The following OSBPL8 variants were observed in gnomAD, a reference collection of about 807,000 sequenced individuals.
The protein encoded by OSBPL8 is oxysterol binding protein like 8, also known as oxysterol-binding protein-related protein 8.
OSBPL8 carries 59 observed loss-of-function variants against 125.5 expected under a neutral mutation model. The ratio of observed to expected loss-of-function variants is 0.47; its 90% CI spans 0.38 to 0.58. OSBPL8 has a LOEUF of 0.58. Among genes scored for constraint, OSBPL8 ranks in the 20% least tolerant of loss-of-function variants. The pLI, the probability that OSBPL8 is intolerant of heterozygous loss-of-function variation, is 0.00. For synonymous variants in OSBPL8, 330 were observed against 338.9 expected (o/e 0.97, Z 0.29); for missense variants, 758 against 1,047.8 (o/e 0.72, Z 3.82).
In OSBPL8 at chr12:76,414,654, T is replaced by C. The variant is rs547212373; in HGVS notation, c.218-4020A>G. Among the ~76,000 whole-genome samples the C allele has an allele frequency of 6.6e-5, 10 of 152,002 alleles. No individual in the cohort carries two copies. In the East Asian group the frequency reaches 1.9e-3, roughly 29 times the overall value. On this transcript the variant is annotated intron_variant, in intron 4 of 23. Coordinates refer to ENST00000261183, the MANE Select transcript of OSBPL8 (RefSeq NM_020841.5). ...TTGTTGTTGAGATGAGGTCTCATCATGTTGCCCAGGCTGGTCTTCAAATCC... is the reference window on the plus strand; with the variant it reads ...TTGTTGTTGAGATGAGGTCTCATCACGTTGCCCAGGCTGGTCTTCAAATCC...
chr12:76,441,912 G>T (rs1872229549), intron 4 of OSBPL8, among the ~76,000 whole-genome samples: 1 of 151,982 alleles, frequency 6.6e-6, no homozygotes, highest in South Asian at 2.1e-4. Context: ...TAATTTAATT[G>T]TACATTTTAA....
chr12:76,357,590 G>A (rs150172317), intron 22 of OSBPL8, among the ~76,000 whole-genome samples: 2 of 152,014 alleles, frequency 1.3e-5, no homozygotes, highest in African/African-American at 2.4e-5. Context: ...ACCTTTATTC[G>A]GTTCATTCCT....
At chr12:76,469,830 T>C (rs1040201792) in intron 2 of OSBPL8, among the ~76,000 whole-genome samples, 1 of 152,108 alleles carries the variant, frequency 6.6e-6, no homozygotes, top group South Asian at 2.1e-4. Flanking sequence ...TTCACTGCTA[T>C]ATTCCTTAAA....
At chr12:76,519,248 A>C (rs532812956) in intron 1 of OSBPL8, among the ~76,000 whole-genome samples, 24 of 152,180 alleles carry the variant, frequency 1.6e-4, no homozygotes, top group Non-Finnish European at 2.2e-4. Context: ...ACAGAACCCT[A>C]GGATTTGGAC....
chr12:76,489,716 T>C (rs549019058), intron 1 of OSBPL8, among the ~76,000 whole-genome samples: 1 of 152,352 alleles, frequency 6.6e-6, no homozygotes, highest in East Asian at 1.9e-4. Context: ...GTTGTTTTCA[T>C]CTCTAACGCA....
chr12:76,385,663 A>C (rs1953277421), intron 14 of OSBPL8, among the ~76,000 whole-genome samples: 1 of 150,582 alleles, frequency 6.6e-6, no homozygotes, highest in Non-Finnish European at 1.5e-5. Flanking sequence ...AGAATAGCTA[A>C]GAAGAAATAC....
chr12:76,529,066 TG>T lies in OSBPL8; in HGVS notation c.-68+30330del, dbSNP rs543711558. ...CTTCATTTCAATCTTAGTTTTGTTTTGTTTTTTTTTAACTATGACAAAGCTA... is the reference window on the plus strand; with the variant it reads ...CTTCATTTCAATCTTAGTTTTGTTTTTTTTTTTTTAACTATGACAAAGCTA... On this transcript the variant is annotated intron_variant, in intron 1 of 23. Coordinates refer to ENST00000261183, the MANE Select transcript of OSBPL8 (RefSeq NM_020841.5). Among the ~76,000 whole-genome samples the T allele has an allele frequency of 3.4e-3, 512 of 150,918 alleles. 3 individuals are homozygous for T. Among genetic ancestry groups the T allele is most frequent in the African/African-American group, 0.012 (487 of 41,182 alleles).
intron 1 of OSBPL8, among the ~76,000 whole-genome samples, chr12:76,488,680 T>C (rs1878411678): frequency 6.6e-6 from 1 of 152,182 alleles, no homozygotes; most frequent in South Asian, 2.1e-4. Flanking sequence ...AACTGATAAA[T>C]GTAGGAGGTT....
At chr12:76,411,766 T>C (rs1954523307) in intron 4 of OSBPL8, among the ~76,000 whole-genome samples, 1 of 152,222 alleles carries the variant, frequency 6.6e-6, no homozygotes, top group Non-Finnish European at 1.5e-5. Flanking sequence ...TGAAACTAGT[T>C]AGTGATTTGG....
intron 1 of OSBPL8, among the ~76,000 whole-genome samples, chr12:76,493,975 G>C (rs549431764): frequency 6.6e-6 from 1 of 152,150 alleles, no homozygotes; most frequent in South Asian, 2.1e-4. Flanking sequence ...GCTGTTAACA[G>C]TCTCTATTGC....
chr12:76,521,122 C>T (rs1346945124), intron 1 of OSBPL8, among the ~76,000 whole-genome samples: 1 of 152,200 alleles, frequency 6.6e-6, no homozygotes, highest in Non-Finnish European at 1.5e-5. Flanking sequence ...ATCTTTCTTA[C>T]ACCCACTAAC....
At chr12:76,470,487 A>G (rs1470108289) in intron 2 of OSBPL8, among the ~76,000 whole-genome samples, 1 of 152,176 alleles carries the variant, frequency 6.6e-6, no homozygotes, top group Non-Finnish European at 1.5e-5. Flanking sequence ...TGTTTCACGC[A>G]TTTCAATTGT....
Position 76,450,860 on chromosome 12 carries a change from G to A in OSBPL8, c.208C>T (p.His70Tyr). Reference protein sequence around the residue: ...HQPSLSPASPHSQGFERGKED... With the variant: ...HQPSLSPASPYSQGFERGKED... ...AACCACAACTTCCTACCCTGGCTAT[G>A]AGGACTTGCTGGACTAAGAGATGGC... Residue 70 changes from histidine (H) to tyrosine (Y), a missense_variant, in exon 4 of 24, where the codon CAT becomes TAT. By Grantham distance (83) the His-to-Tyr change is moderately conservative. This residue lies in a region of OSBPL8 where 117 missense variants were observed against 137.1 expected (regional missense o/e 0.85). Coordinates refer to ENST00000261183, the MANE Select transcript of OSBPL8 (RefSeq NM_020841.5). The A allele has an allele frequency of 6.2e-7, 1 of 1,609,852 alleles. No homozygotes were observed.
At chr12:76,531,355 T>C (rs1950333751) in intron 1 of OSBPL8, among the ~76,000 whole-genome samples, 1 of 152,176 alleles carries the variant, frequency 6.6e-6, no homozygotes, top group African/African-American at 2.4e-5. Flanking sequence ...GCAATCTAAA[T>C]TTGACTTTCA....
At chr12:76,414,859 A>C (rs1410443375) in intron 4 of OSBPL8, among the ~76,000 whole-genome samples, 1 of 152,196 alleles carries the variant, frequency 6.6e-6, no homozygotes, top group Non-Finnish European at 1.5e-5. Context: ...ACATCTATTA[A>C]GATAATCATA....
intron 2 of OSBPL8, among the ~76,000 whole-genome samples, chr12:76,461,928 A>C (rs74103467): frequency 0.046 from 7,029 of 152,286 alleles, 584 homozygotes; most frequent in African/African-American, 0.16. Context: ...CCAATAAATA[A>C]CATAACACTG....
intron 3 of OSBPL8, among the ~76,000 whole-genome samples, chr12:76,451,197 C>A (rs1032082447): frequency 6.6e-6 from 1 of 152,006 alleles, no homozygotes; most frequent in Non-Finnish European, 1.5e-5. Flanking sequence ...ATGTTTGAGT[C>A]AAATATACAA....
chr12:76,463,787 G>T (rs1257319177), intron 2 of OSBPL8, among the ~76,000 whole-genome samples: 3 of 152,188 alleles, frequency 2.0e-5, no homozygotes, highest in African/African-American at 4.8e-5. Flanking sequence ...GCTTGTAAGT[G>T]ATGCCAATGG....
At chr12:76,401,177 A>C (rs1214613598) in intron 6 of OSBPL8, among the ~76,000 whole-genome samples, 1 of 151,958 alleles carries the variant, frequency 6.6e-6, no homozygotes, top group East Asian at 1.9e-4. Context: ...TATACCCCCA[A>C]CCTATTCCAA....
Sources: allele counts gnomAD v4.1 joint callset (sites outside exome capture counted in the v4.1 genomes callset), GRCh38; gene constraint gnomAD v4.1.1; regional missense constraint gnomAD v4.1.1; transcripts MANE v1.5; gene names NCBI Gene and HGNC (gene_info 2026-07-23, HGNC 2026-07-21).